Variants in DYNC2H1 observed in about 807,000 individuals in gnomAD.
DYNC2H1 encodes dynein cytoplasmic 2 heavy chain 1, also known as cytoplasmic dynein 2 heavy chain 1.
A neutral mutation model predicts 570.0 loss-of-function variants in DYNC2H1; 410 were observed. The ratio of observed to expected loss-of-function variants is 0.72; its 90% CI spans 0.66 to 0.78. The LOEUF is 0.78. Ranked by LOEUF, DYNC2H1 falls within the 30% of genes least tolerant of loss-of-function variation. The probability of loss-of-function intolerance (pLI) is 0.00; values close to 1 mark genes in which losing one functional copy is unlikely to be tolerated. For missense variants in DYNC2H1, 4,865 were observed against 5,046.4 expected (o/e 0.96, Z 1.09); for synonymous variants, 1,688 against 1,677.6 (o/e 1.01, Z -0.15).
At chr11:103,394,220 T>G (rs1412800778) in intron 83 of DYNC2H1, among the ~76,000 whole-genome samples, 1 of 152,176 alleles carries the variant, frequency 6.6e-6, no homozygotes, top group Non-Finnish European at 1.5e-5. Context: ...TAATTGCAAT[T>G]AAAACATGAC....
chr11:103,113,771 T>G lies in DYNC2H1; in HGVS notation c.366+64T>G, dbSNP rs1164180760. ...TTGGATAAATGTTTTCATATAAACATAAATATCTATTTTTTACTGTTAATG... is the reference window on the plus strand; with the variant it reads ...TTGGATAAATGTTTTCATATAAACAGAAATATCTATTTTTTACTGTTAATG... On this transcript the variant is annotated intron_variant, in intron 2 of 88. Coordinates refer to ENST00000375735, the MANE Select transcript of DYNC2H1 (RefSeq NM_001377.3). 4 of 1,253,074 alleles carry G rather than the reference T, an allele frequency of 3.2e-6. No homozygotes were observed. The Admixed American group carries it at 1.2e-4, about 39-fold the overall frequency. The allele number at this position is 1,253,074 out of a possible 1,614,324, so 77.6% of individuals were successfully genotyped here.
intron 47 of DYNC2H1, among the ~76,000 whole-genome samples, chr11:103,196,088 T>C (rs1862498295): frequency 6.6e-6 from 1 of 152,080 alleles, no homozygotes; most frequent in African/African-American, 2.4e-5. Context: ...CATTAGGAGT[T>C]TGGTGTTTTG....
intron 17 of DYNC2H1, 99 bp downstream of exon 17, chr11:103,136,047 A>G: frequency 7.9e-6 from 8 of 1,018,326 alleles, no homozygotes; most frequent in Non-Finnish European, 1.1e-5. Flanking sequence ...CTTGTGTGGC[A>G]TAACATTAAA....
At chr11:103,117,258 TTA>T (rs917097546) in intron 5 of DYNC2H1, among the ~76,000 whole-genome samples, 118 of 146,914 alleles carry the variant, frequency 8.0e-4, no homozygotes, top group Admixed American at 2.4e-3. Flanking sequence ...TATATATATT[TTA>T]TATATATATA....
chr11:103,219,979 A>C lies in DYNC2H1; in HGVS notation c.8897A>C (p.Lys2966Thr). 1 of 1,502,422 alleles carries C rather than the reference A, an allele frequency of 6.7e-7. No individual in the cohort carries two copies. The highest frequency in any genetic ancestry group is 8.8e-7 in the Non-Finnish European group (1 of 1,135,288). 93.1% of individuals were successfully genotyped at this position (1,502,422 alleles called of 1,614,324 possible). A position where few individuals can be genotyped will look rare whatever the true frequency, so the allele number is the denominator to read the frequency against. The change falls in exon 56 of 89, where the codon AAA (lysine) becomes ACA (threonine). Residue 2966 changes from lysine to threonine, a missense_variant. Around this residue, in one of 5 missense-constraint regions of DYNC2H1, gnomAD observed 2,401 missense variants for 2,454.6 expected, o/e 0.98. Transcript: ENST00000375735. Reference sequence around the variant, plus strand: ...CACAGAATAGCAGAAGAAGTTGTTAAAATTGAAGAAAGAAAAAATAAAATT... The same window carrying C: ...CACAGAATAGCAGAAGAAGTTGTTACAATTGAAGAAAGAAAAAATAAAATT... ...LKHRIAEEVV[K>T]IEERKNKIDD... is the part of the protein sequence containing the mutation.
rs1299926674 is a variant in DYNC2H1, at chr11:103,263,318, G to A, written c.10695+3341G>A. Among the ~76,000 whole-genome samples the A allele has an allele frequency of 3.9e-5, 6 of 152,074 alleles. No individual in the cohort carries two copies. In the East Asian group the frequency reaches 9.7e-4, roughly 25 times the overall value. On this transcript the variant is annotated intron_variant, in intron 70 of 88. Coordinates refer to ENST00000375735, the MANE Select transcript of DYNC2H1 (RefSeq NM_001377.3). ...ATTAATGAGACAGAAAATTAACAAG[G>A]GTATTCAGGAGTCGAACTCAGCTCT...
chr11:103,114,604 T>A (rs1434314310), intron 3 of DYNC2H1, among the ~76,000 whole-genome samples: 1 of 152,210 alleles, frequency 6.6e-6, no homozygotes, highest in Non-Finnish European at 1.5e-5. Context: ...GTAGTTGTGT[T>A]CTATAAAGTC....
At chr11:103,414,914 C>T (rs1306688952) in intron 84 of DYNC2H1, among the ~76,000 whole-genome samples, 1 of 152,134 alleles carries the variant, frequency 6.6e-6, no homozygotes, top group Non-Finnish European at 1.5e-5. Context: ...AAATTCCATG[C>T]TTATGTACCA....
At chr11:103,258,593 G>T (rs1013878851) in intron 69 of DYNC2H1, among the ~76,000 whole-genome samples, 6 of 152,146 alleles carry the variant, frequency 3.9e-5, no homozygotes, top group African/African-American at 1.4e-4. Flanking sequence ...TTGACGACAG[G>T]ACTGCCAACT....
rs576813350 is a variant in DYNC2H1 at position 103,394,718 on chromosome 11, T to C, written c.12157-4945T>C. Among the ~76,000 whole-genome samples the C allele has an allele frequency of 1.4e-4, 21 of 152,194 alleles. No homozygotes were observed. In the South Asian group the frequency reaches 3.7e-3, roughly 27 times the overall value. Reference sequence around the variant, plus strand: ...AGAGCTAATACAAAGGAGCTTTTGTTTGAAATAAGGTTGGTGCAAAAGTAA... The same window carrying C: ...AGAGCTAATACAAAGGAGCTTTTGTCTGAAATAAGGTTGGTGCAAAAGTAA... On this transcript the variant is annotated intron_variant, in intron 83 of 88. Coordinates refer to ENST00000375735, the MANE Select transcript of DYNC2H1 (RefSeq NM_001377.3).
chr11:103,304,862 A>G (rs946791156), intron 77 of DYNC2H1, 142 bp downstream of exon 77: 80 of 973,590 alleles, frequency 8.2e-5, no homozygotes, highest in Non-Finnish European at 1.0e-4. Flanking sequence ...AATATTTCAT[A>G]AATATGTACA....
At chr11:103,386,192 A>T (rs1183937912) in intron 83 of DYNC2H1, among the ~76,000 whole-genome samples, 1 of 152,222 alleles carries the variant, frequency 6.6e-6, no homozygotes, top group Non-Finnish European at 1.5e-5. Flanking sequence ...TACTTGAAAT[A>T]GAAGCTGAAA....
rs117922441 is a variant in DYNC2H1, at chr11:103,241,283, G to A, written c.9820-2410G>A. On this transcript the variant is annotated intron_variant, in intron 63 of 88. Transcript: ENST00000375735. The surrounding 1 kb of genome is among the most constrained non-coding windows in gnomAD (Gnocchi z 5.1). ...TCCAACATATAGTAGATGAAGTAAC[G>A]AACAAATGAGTAAATAAATGAAAGC... Among the ~76,000 whole-genome samples, 1,602 of 152,120 alleles carry A rather than the reference G, an allele frequency of 0.011. 9 individuals are homozygous for A. The highest frequency in any genetic ancestry group is 0.017 in the Non-Finnish European group (1,160 of 67,978).
Position 103,252,671 on chromosome 11 carries a change from T to G in DYNC2H1, c.10043-614T>G, listed in dbSNP as rs1045609159. Among the ~76,000 whole-genome samples, 1 of 152,198 alleles carries G rather than the reference T, an allele frequency of 6.6e-6. No individual in the cohort carries two copies. Among genetic ancestry groups the G allele is most frequent in the African/African-American group, 2.4e-5 (1 of 41,460 alleles). On this transcript the variant is annotated intron_variant, in intron 65 of 88. Coordinates refer to ENST00000375735, the MANE Select transcript of DYNC2H1 (RefSeq NM_001377.3). This position sits in a 1 kb window ranked among gnomAD's most constrained non-coding sequence, Gnocchi z 4.6. ...TGGAGAAATGTCTATTCAGGTCCTT[T>G]GCCTGCTTTTTAATCAGGTTATTTA...
chr11:103,303,141 A>G lies in DYNC2H1; in HGVS notation c.11144A>G (p.Lys3715Arg), dbSNP rs1479258116. ...PLPLNLKRLY[K>R]ETLEIEPILI... is the part of the protein sequence containing the mutation. ...CCTCTAAATCTCAAACGTTTATACA[A>G]AGAGACACTGGAAATTGAACCCATC... Residue 3715 changes from lysine to arginine, a missense_variant, in exon 76 of 89, where the codon AAA becomes AGA. By Grantham distance (26) the Lys-to-Arg change is conservative. Coordinates refer to ENST00000375735, the MANE Select transcript of DYNC2H1 (RefSeq NM_001377.3). 3.1e-6 allele frequency: 5 copies of G among 1,611,088 alleles called. No homozygotes were observed. The highest frequency in any genetic ancestry group is 2.5e-6 in the Non-Finnish European group (3 of 1,178,298).
intron 17 of DYNC2H1, among the ~76,000 whole-genome samples, chr11:103,140,978 T>C (rs1204329313): frequency 6.6e-6 from 1 of 152,200 alleles, no homozygotes; most frequent in Non-Finnish European, 1.5e-5. Flanking sequence ...GCTGGTACCC[T>C]TTCTTCCAGT....
intron 75 of DYNC2H1, among the ~76,000 whole-genome samples, chr11:103,291,192 C>T (rs1481362421): frequency 1.3e-5 from 2 of 152,204 alleles, no homozygotes; most frequent in African/African-American, 4.8e-5. Context: ...AATTCCAGCA[C>T]TTTGGGAGGC....
Position 103,153,290 on chromosome 11 carries a change from T to C in DYNC2H1, c.3097-13T>C, listed in dbSNP as rs1372929738. On this transcript the variant is annotated splice_polypyrimidine_tract_variant and intron_variant, in intron 21 of 88. Coordinates refer to ENST00000375735, the MANE Select transcript of DYNC2H1 (RefSeq NM_001377.3). ...ACTCTGCATTAAATTATTTAAATTTTATTGGCTTATAGATTGAAGTGATGA... is the reference window on the plus strand; with the variant it reads ...ACTCTGCATTAAATTATTTAAATTTCATTGGCTTATAGATTGAAGTGATGA... The C allele has an allele frequency of 4.0e-6, 6 of 1,515,456 alleles. No homozygotes were observed. 93.9% of individuals were successfully genotyped at this position (1,515,456 alleles called of 1,614,324 possible).
chr11:103,272,661 A>C (rs1014706266), intron 70 of DYNC2H1, among the ~76,000 whole-genome samples: 32 of 152,186 alleles, frequency 2.1e-4, no homozygotes, highest in African/African-American at 7.7e-4. Context: ...CAGTTGAAAC[A>C]AACCACTATG....
Sources: gnomAD v4.1 joint callset for allele counts (sites outside exome capture counted in the v4.1 genomes callset) on GRCh38, gnomAD v4.1.1 for gene constraint, gnomAD v4.1.1 regional missense constraint, Gnocchi (gnomAD v3.1) non-coding constraint, MANE v1.5 for transcripts, NCBI Gene and HGNC (gene_info 2026-07-23, HGNC 2026-07-21) for gene names.